Variants in SULT1C2 observed in about 807,000 individuals in gnomAD.
The protein encoded by SULT1C2 is sulfotransferase 1C2.
In SULT1C2, 27 loss-of-function variants were observed where a neutral mutation model predicts 36.0. The observed-to-expected ratio is 0.75, with a 90% confidence interval of 0.55 to 1.03. The LOEUF (loss-of-function observed/expected upper bound fraction) is 1.03, where lower values mean the gene tolerates loss of function less well. SULT1C2 is among the 50% of genes least tolerant of loss of function. SULT1C2 has a pLI of 0.00. For missense variants in SULT1C2, 395 were observed against 359.2 expected (o/e 1.10, Z -0.80); for synonymous variants, 121 against 116.0 (o/e 1.04, Z -0.27).
In SULT1C2 at chr2:108,305,171, G is replaced by T; in HGVS notation, c.503-1G>T. 3 of 1,614,174 alleles carry T rather than the reference G, an allele frequency of 1.9e-6. No individual in the cohort carries two copies. The highest frequency in any genetic ancestry group is 2.5e-6 in the Non-Finnish European group (3 of 1,180,022). ...TATTCTGTTTCCTGTGTCTATTTCAGTGGTTTGGGGTTCCTGGTTTGACCA... is the reference window on the plus strand; with the variant it reads ...TATTCTGTTTCCTGTGTCTATTTCATTGGTTTGGGGTTCCTGGTTTGACCA... On this transcript the variant is annotated splice_acceptor_variant, in intron 5 of 7. Coordinates refer to ENST00000251481, the MANE Select transcript of SULT1C2 (RefSeq NM_001056.4). LOFTEE classifies it high-confidence loss of function.
At chr2:108,304,364 A>G in intron 4 of SULT1C2, 1 of 457,144 alleles carries the variant, frequency 2.2e-6, no homozygotes, top group Non-Finnish European at 3.8e-6. Context: ...TGATTAGCTA[A>G]TTAAAAGGAC....
chr2:108,305,453 GGGAAAGAAGGT>G lies in SULT1C2; in HGVS notation c.640_650del (p.Lys214Ter). The G allele has an allele frequency of 6.2e-7, 1 of 1,614,170 alleles. No individual in the cohort carries two copies. The highest frequency in any genetic ancestry group is 8.5e-7 in the Non-Finnish European group (1 of 1,180,026). ...AAATTCGGAAGGTGATGCAGTTCAT[GGGAAAGAAGGT>G]GGATGAAACAGTGCTAGATAAAATT... On this transcript the variant is annotated frameshift_variant, in exon 7 of 8. Transcript: ENST00000251481. LOFTEE classifies it high-confidence loss of function.
intron 4 of SULT1C2, chr2:108,302,524 C>T (rs919727647): frequency 6.6e-6 from 1 of 152,238 alleles, no homozygotes; most frequent in African/African-American, 2.4e-5. Flanking sequence ...TCTGGAGGGA[C>T]ACAGCTGCAA....
chr2:108,295,148 T>A (rs796337220), intron 3 of SULT1C2, among the ~76,000 whole-genome samples: 2 of 152,306 alleles, frequency 1.3e-5, no homozygotes, highest in African/African-American at 4.8e-5. Flanking sequence ...AAGATAGAAA[T>A]TCCCTGATCT....
In SULT1C2 at chr2:108,293,769, C is replaced by T. The variant is rs1370689059; in HGVS notation, c.102C>T (p.Ser34=). Reference sequence around the variant, plus strand: ...TGGACAACTGGAGCCAGATCCAGAGCTTCGAGGCCAAACCAGATGATCTCC... The same window carrying T: ...TGGACAACTGGAGCCAGATCCAGAGTTTCGAGGCCAAACCAGATGATCTCC... ...ATVDNWSQIQ[S]FEAKPDDLLI... Residue 34 remains serine, a synonymous_variant, in exon 2 of 8, where the codon AGC becomes AGT. Transcript: ENST00000251481. The T allele has an allele frequency of 6.2e-7, 1 of 1,614,138 alleles. No homozygotes were observed.
rs1405360569 is a variant in SULT1C2, at chr2:108,293,621, A to AAATCT, written c.-21-25_-21-21dup. 2.6e-6 allele frequency: 4 copies of AAATCT among 1,549,826 alleles called. No homozygotes were observed. The African/African-American group carries it at 5.5e-5, about 21-fold the overall frequency. On this transcript the variant is annotated intron_variant, in intron 1 of 7. Transcript: ENST00000251481. The stretch of plus-strand genomic sequence containing the variant: ...GTATATTTTACCACAACTTCTTTAA[A>AAATCT]AATCTCCTCTATTCTTTTCCCATAG...
At chr2:108,292,214 G>T (rs1676609238) in intron 1 of SULT1C2, among the ~76,000 whole-genome samples, 1 of 152,128 alleles carries the variant, frequency 6.6e-6, no homozygotes, top group Non-Finnish European at 1.5e-5. Context: ...CCTCAGCCCA[G>T]CGTTGGCAAA....
intron 3 of SULT1C2, among the ~76,000 whole-genome samples, chr2:108,296,388 T>G (rs1676728374): frequency 1.4e-5 from 2 of 146,930 alleles, no homozygotes; most frequent in Admixed American, 6.7e-5. Flanking sequence ...AGTCTCAGGC[T>G]TTATGATCTG....
At chr2:108,304,922 CA>C (rs1215021779) in intron 5 of SULT1C2, among the ~76,000 whole-genome samples, 1 of 152,228 alleles carries the variant, frequency 6.6e-6, no homozygotes, top group Admixed American at 6.5e-5. Flanking sequence ...CATCCTCTTC[CA>C]AAAGGTGTCC....
At chr2:108,304,774 T>C (rs756558206) in intron 5 of SULT1C2, 74 bp downstream of exon 5, 278 of 1,540,896 alleles carry the variant, frequency 1.8e-4, no homozygotes, top group Non-Finnish European at 2.3e-4. Context: ...AGGCAGCATT[T>C]TATCCCCTAG....
At chr2:108,294,057 G>A (rs998492064) in intron 2 of SULT1C2, among the ~76,000 whole-genome samples, 172 bp from the exon 3 acceptor site, 2 of 152,176 alleles carry the variant, frequency 1.3e-5, no homozygotes, top group African/African-American at 4.8e-5. Context: ...TCCCTACAGA[G>A]ATCCAAAGTC....
chr2:108,305,499 A>C lies in SULT1C2; in HGVS notation c.682A>C (p.Thr228Pro). 1 of 1,614,172 alleles carries C rather than the reference A, an allele frequency of 6.2e-7. No individual in the cohort carries two copies. The highest frequency in any genetic ancestry group is 8.5e-7 in the Non-Finnish European group (1 of 1,180,022). The change falls in exon 7 of 8, where the codon ACG becomes CCG. Residue 228 changes from threonine to proline, a missense_variant. Coordinates refer to ENST00000251481, the MANE Select transcript of SULT1C2 (RefSeq NM_001056.4). Reference sequence around the variant, plus strand: ...AGTGCTAGATAAAATTGTCCAGGAGACGTCATTTGAGAAAATGAAAGAAAA... The same window carrying C: ...AGTGCTAGATAAAATTGTCCAGGAGCCGTCATTTGAGAAAATGAAAGAAAA... ...ETVLDKIVQE[T>P]SFEKMKENPM...
intron 3 of SULT1C2, chr2:108,299,171 G>A (rs1676812596): frequency 6.6e-6 from 1 of 152,302 alleles, no homozygotes; most frequent in Non-Finnish European, 1.5e-5. Flanking sequence ...TCCCTGAGCA[G>A]AGGTCACTGA....
intron 3 of SULT1C2, among the ~76,000 whole-genome samples, chr2:108,297,242 G>A (rs1180551149): frequency 6.6e-6 from 1 of 152,144 alleles, no homozygotes; most frequent in African/African-American, 2.4e-5. Flanking sequence ...CAACAAGCAT[G>A]GAGGGCTACT....
intron 3 of SULT1C2, among the ~76,000 whole-genome samples, chr2:108,295,108 A>T (rs1184706846): frequency 1.3e-5 from 2 of 152,138 alleles, no homozygotes; most frequent in East Asian, 3.9e-4. Context: ...AACTGTAGAC[A>T]GAGGTCTGAT....
At chr2:108,291,998 A>G (rs1484393458) in intron 1 of SULT1C2, among the ~76,000 whole-genome samples, 4 of 152,230 alleles carry the variant, frequency 2.6e-5, no homozygotes, top group South Asian at 2.1e-4. Context: ...GCTCAGCTCA[A>G]TCTGGAAGCA....
chr2:108,294,152 T>G, intron 2 of SULT1C2, 77 bp from the exon 3 acceptor site: 1 of 1,578,788 alleles, frequency 6.3e-7, no homozygotes, highest in South Asian at 1.2e-5. Flanking sequence ...CTCTACATCC[T>G]CTTCGTTTAC....
Position 108,304,582 on chromosome 2 carries a change from T to C in SULT1C2, c.384T>C (p.Tyr128=). Residue 128 remains tyrosine, a synonymous_variant, in exon 5 of 8, where the codon TAT becomes TAC. Transcript: ENST00000251481. The part of the protein sequence containing the change: ...SFWENNCKFL[Y]VARNAKDCMV... ...CTTTTCTTACCCCAAAGTTCCTTTA[T>C]GTAGCTCGAAATGCCAAAGACTGTA... 1.2e-6 allele frequency: 2 copies of C among 1,604,066 alleles called. No individual in the cohort carries two copies. The highest frequency in any genetic ancestry group is 2.2e-5 in the East Asian group (1 of 44,860).
intron 1 of SULT1C2, among the ~76,000 whole-genome samples, chr2:108,289,991 T>TC (rs997732405): frequency 2.0e-5 from 3 of 152,164 alleles, no homozygotes; most frequent in African/African-American, 4.8e-5. Context: ...CCACACATGT[T>TC]CACAGCTGTG....
Sources: gnomAD v4.1 joint callset for allele counts (sites outside exome capture counted in the v4.1 genomes callset) on GRCh38, gnomAD v4.1.1 for gene constraint, MANE v1.5 for transcripts, NCBI Gene and HGNC (gene_info 2026-07-23, HGNC 2026-07-21) for gene names.